Variants in NXPE2 observed in about 807,000 individuals in gnomAD.
NXPE2 encodes the protein NXPE family member 2.
Under a neutral mutation model 34.4 loss-of-function variants are expected in NXPE2, and 34 were observed. The ratio of observed to expected loss-of-function variants is 0.99; its 90% CI spans 0.75 to 1.31. The LOEUF is 1.31. NXPE2 is among the 40% of genes most tolerant of loss of function. The probability of loss-of-function intolerance (pLI) is 0.00; values close to 1 mark genes in which losing one functional copy is unlikely to be tolerated. For synonymous variants in NXPE2, 235 were observed against 231.3 expected, an observed-to-expected ratio of 1.02 and a Z score of -0.15; for missense variants, 649 against 672.5, an observed-to-expected ratio of 0.97 and a Z score of 0.39.
At chr11:114,784,589 G>A in the NXPE2 span, among the ~76,000 whole-genome samples, 4 of 152,204 alleles carry the variant, frequency 2.6e-5, no homozygotes, top group East Asian at 7.7e-4. Context: ...ATACTGAGAT[G>A]TGAGTGGCTT....
At chr11:114,747,494 A>G in the NXPE2 span, among the ~76,000 whole-genome samples, 1 of 151,928 alleles carries the variant, frequency 6.6e-6, no homozygotes, top group Non-Finnish European at 1.5e-5. Flanking sequence ...GAGGGTATGT[A>G]ATTTATAAAG....
upstream of NXPE2, among the ~76,000 whole-genome samples, chr11:114,676,390 AAG>A (rs71465299): frequency 0.098 from 14,950 of 152,006 alleles, 929 homozygotes; most frequent in African/African-American, 0.17. Flanking sequence ...TTAAATATAA[AAG>A]AACTCAAATA....
At chr11:114,599,081 A>G in the NXPE2 span, among the ~76,000 whole-genome samples, 1 of 152,106 alleles carries the variant, frequency 6.6e-6, no homozygotes, top group Non-Finnish European at 1.5e-5. Context: ...TTGCACATGC[A>G]TACGAGCATA....
the NXPE2 span, among the ~76,000 whole-genome samples, chr11:114,739,753 A>T: frequency 0.015 from 2,327 of 152,124 alleles, 63 homozygotes; most frequent in African/African-American, 0.053. Flanking sequence ...CTCCTTGATC[A>T]CTGGTAGGTA....
the NXPE2 span, among the ~76,000 whole-genome samples, chr11:114,624,547 A>T: frequency 6.7e-6 from 1 of 149,890 alleles, no homozygotes; most frequent in East Asian, 2.0e-4. Context: ...ACTGTTACCT[A>T]GTGGATAATA....
the NXPE2 span, among the ~76,000 whole-genome samples, chr11:114,741,967 C>A: frequency 6.6e-6 from 1 of 152,064 alleles, no homozygotes. Flanking sequence ...AAAGAAAGAC[C>A]TTTGCCAATC....
At chr11:114,522,897 A>G in the NXPE2 span, 1 of 1,612,326 alleles carries the variant, frequency 6.2e-7, no homozygotes, top group South Asian at 1.1e-5. Context: ...ACTTTGGGGA[A>G]GTAGTAGATC....
the NXPE2 span, among the ~76,000 whole-genome samples, chr11:114,751,957 A>C: frequency 1.3e-5 from 2 of 152,356 alleles, no homozygotes; most frequent in African/African-American, 4.8e-5. Flanking sequence ...CCTGGAGCCA[A>C]GAAATATGGG....
chr11:114,587,933 A>G, the NXPE2 span, among the ~76,000 whole-genome samples: 262 of 152,224 alleles, frequency 1.7e-3, 1 homozygote, highest in African/African-American at 6.0e-3. Context: ...GGGGAGCCTT[A>G]ATTTTAATAC....
chr11:114,521,283 C>A, the NXPE2 span, among the ~76,000 whole-genome samples: 17 of 152,268 alleles, frequency 1.1e-4, no homozygotes, highest in East Asian at 3.3e-3. Context: ...TTGCATGTCT[C>A]TTTTTGTATT....
At chr11:114,535,030 A>G in the NXPE2 span, among the ~76,000 whole-genome samples, 1 of 152,206 alleles carries the variant, frequency 6.6e-6, no homozygotes, top group Non-Finnish European at 1.5e-5. Flanking sequence ...GCAGCCAGAG[A>G]GAAAGGTCGG....
At chr11:114,691,204 C>G (rs918621741) in intron 2 of NXPE2, among the ~76,000 whole-genome samples, 3 of 152,046 alleles carry the variant, frequency 2.0e-5, no homozygotes, top group Admixed American at 1.3e-4. Flanking sequence ...ACGGAGTTGA[C>G]ACTTCTTTTC....
At chr11:114,656,534 G>A in the NXPE2 span, among the ~76,000 whole-genome samples, 1 of 151,930 alleles carries the variant, frequency 6.6e-6, no homozygotes, top group South Asian at 2.1e-4. Context: ...CTCTAAAATG[G>A]GTATCAAATA....
At chr11:114,758,641 A>C in the NXPE2 span, among the ~76,000 whole-genome samples, 18 of 152,162 alleles carry the variant, frequency 1.2e-4, no homozygotes, top group Admixed American at 1.2e-3. Flanking sequence ...GAATCAGAGG[A>C]GAATCAGAGG....
the NXPE2 span, among the ~76,000 whole-genome samples, chr11:114,572,734 G>A: frequency 6.6e-6 from 1 of 152,094 alleles, no homozygotes; most frequent in African/African-American, 2.4e-5. Flanking sequence ...CCCAACCTAA[G>A]AATAATTGGT....
At chr11:114,713,145 G>A in the NXPE2 span, among the ~76,000 whole-genome samples, 1 of 152,168 alleles carries the variant, frequency 6.6e-6, no homozygotes. Flanking sequence ...TTAGTATTTA[G>A]TGGTATAGAG....
chr11:114,772,505 G>C, the NXPE2 span, among the ~76,000 whole-genome samples: 1 of 152,126 alleles, frequency 6.6e-6, no homozygotes, highest in Admixed American at 6.5e-5. Context: ...CATGTAATAT[G>C]TGATGTTCTG....
chr11:114,533,672 G>A, the NXPE2 span, among the ~76,000 whole-genome samples: 1 of 152,178 alleles, frequency 6.6e-6, no homozygotes, highest in Non-Finnish European at 1.5e-5. Flanking sequence ...CTACGCCCAC[G>A]GAGCCTTGCT....
chr11:114,804,011 G>T, the NXPE2 span, among the ~76,000 whole-genome samples: 29 of 152,050 alleles, frequency 1.9e-4, no homozygotes, highest in Non-Finnish European at 3.8e-4. Flanking sequence ...AGTTATGGGG[G>T]AACAAAACAT....
Sources: gnomAD v4.1 joint callset for allele counts (sites outside exome capture counted in the v4.1 genomes callset) on GRCh38, gnomAD v4.1.1 for gene constraint, MANE v1.5 for transcripts, NCBI Gene and HGNC (gene_info 2026-07-23, HGNC 2026-07-21) for gene names.